Variants in CDKN2B-AS1 observed in about 807,000 individuals in gnomAD.
CDKN2B-AS1 encodes CDKN2B antisense RNA 1 (non-protein coding).
At position 22,016,640 on chromosome 9, in the gene CDKN2B-AS1, A is replaced by G. The variant is rs1016517925; in HGVS notation, n.29+21479A>G. Reference sequence around the variant, plus strand: ...ACAGAACAGAGCCCTCAGAAATAACACCGCATATCTACAACTATCTGATCT... The same window carrying G: ...ACAGAACAGAGCCCTCAGAAATAACGCCGCATATCTACAACTATCTGATCT... On this transcript the variant is annotated intron_variant and non_coding_transcript_variant, in intron 1 of 4. Transcript: ENST00000650946. 1.2e-4 allele frequency among the ~76,000 whole-genome samples: 19 copies of G among 152,186 alleles called. No individual in the cohort carries two copies. In the East Asian group the frequency reaches 1.9e-3, roughly 15 times the overall value.
intron 4 of CDKN2B-AS1, among the ~76,000 whole-genome samples, chr9:22,082,770 T>C (rs1441913841): frequency 6.6e-6 from 1 of 152,218 alleles, no homozygotes; most frequent in Non-Finnish European, 1.5e-5. Flanking sequence ...TACCCGACTC[T>C]AGCTTGCTGG....
At chr9:22,051,296 A>G (rs17694555) in intron 3 of CDKN2B-AS1, among the ~76,000 whole-genome samples, 8,903 of 152,190 alleles carry the variant, frequency 0.058, 324 homozygotes, top group Non-Finnish European at 0.089. Flanking sequence ...CACTTTTCCA[A>G]CTAGTGTGTA....
At chr9:22,090,218 A>G (rs1342359435) in intron 4 of CDKN2B-AS1, among the ~76,000 whole-genome samples, 3 of 150,760 alleles carry the variant, frequency 2.0e-5, no homozygotes, top group Non-Finnish European at 4.4e-5. Flanking sequence ...TTCTTAATCC[A>G]CTCTATCATT....
intron 4 of CDKN2B-AS1, among the ~76,000 whole-genome samples, chr9:22,086,555 T>C (rs1824873920): frequency 6.6e-6 from 1 of 152,172 alleles, no homozygotes; most frequent in Non-Finnish European, 1.5e-5. Flanking sequence ...AATAATATTC[T>C]TTTTTTCCCA....
rs184050557 is a variant in CDKN2B-AS1, at chr9:22,105,984, C to T, written n.439-21119C>T. ...GGAGTGCAATGGCACGATCTTGGCTCACTGCAACCTCTGCCTCCCGGATAC... is the reference window on the plus strand; with the variant it reads ...GGAGTGCAATGGCACGATCTTGGCTTACTGCAACCTCTGCCTCCCGGATAC... On this transcript the variant is annotated intron_variant and non_coding_transcript_variant, in intron 4 of 4. Transcript: ENST00000650946. Among the ~76,000 whole-genome samples the T allele has an allele frequency of 2.6e-3, 395 of 152,340 alleles. 3 individuals are homozygous for T. Among genetic ancestry groups the T allele is most frequent in the African/African-American group, 9.2e-3 (384 of 41,566 alleles).
intron 4 of CDKN2B-AS1, among the ~76,000 whole-genome samples, chr9:22,082,581 A>T (rs1824735410): frequency 1.3e-5 from 2 of 152,200 alleles, no homozygotes; most frequent in South Asian, 4.1e-4. Flanking sequence ...GTTCTGACTA[A>T]TTCGTAGCCA....
chr9:22,125,290 TG>T (rs1397383800), intron 4 of CDKN2B-AS1, among the ~76,000 whole-genome samples: 1 of 152,258 alleles, frequency 6.6e-6, no homozygotes, highest in South Asian at 2.1e-4. Flanking sequence ...CAAAGATATT[TG>T]GAATATTGGT....
intron 3 of CDKN2B-AS1, among the ~76,000 whole-genome samples, chr9:22,051,824 G>T (rs571107452): frequency 6.6e-6 from 1 of 152,228 alleles, no homozygotes; most frequent in Non-Finnish European, 1.5e-5. Flanking sequence ...TTTGTTTTCA[G>T]CCTGCATATA....
chr9:22,056,808 G>A (rs542547093), intron 4 of CDKN2B-AS1, among the ~76,000 whole-genome samples: 3 of 152,068 alleles, frequency 2.0e-5, no homozygotes, highest in African/African-American at 7.2e-5. Context: ...CCTCAACTCC[G>A]GATTGTATAT....
chr9:22,005,112 A>ATGTGTGTG lies in CDKN2B-AS1; in HGVS notation n.29+9974_29+9981dup, dbSNP rs3028393. ...CATAAGGGGATTTCCGCATCCTAGC[A>ATGTGTGTG]TGTGTGTGTGTGTGTGTGTGTGTGT... On this transcript the variant is annotated intron_variant and non_coding_transcript_variant, in intron 1 of 4. Transcript: ENST00000650946. This position sits in a 1 kb window ranked among gnomAD's most constrained non-coding sequence, Gnocchi z 4.9. 0.014 allele frequency: 3,109 copies of ATGTGTGTG among 225,346 alleles called. 42 individuals carry two copies. The highest frequency in any genetic ancestry group is 0.09 in the East Asian group (1,438 of 15,932). The allele number at this position is 225,346 out of a possible 1,614,324, so 14.0% of individuals were successfully genotyped here. A position where few individuals can be genotyped will look rare whatever the true frequency, so the allele number is the denominator to read the frequency against.
chr9:22,066,221 T>A (rs1587483023), intron 4 of CDKN2B-AS1: 1 of 152,068 alleles, frequency 6.6e-6, no homozygotes, highest in African/African-American at 2.4e-5. Flanking sequence ...TATTTTTTTT[T>A]TTTTATTTTT....
At chr9:22,108,954 C>T (rs72654210) in intron 4 of CDKN2B-AS1, among the ~76,000 whole-genome samples, 3 of 151,990 alleles carry the variant, frequency 2.0e-5, no homozygotes, top group Non-Finnish European at 4.4e-5. Context: ...ATAAAAAAAA[C>T]CCCAAAACTG....
chr9:22,042,941 ATCTAT>A (rs1822957705), intron 1 of CDKN2B-AS1, among the ~76,000 whole-genome samples: 1 of 151,862 alleles, frequency 6.6e-6, no homozygotes, highest in African/African-American at 2.4e-5. Context: ...TGTTTGGAAA[ATCTAT>A]TCACAATAGA....
At chr9:22,057,988 GC>G (rs980635534) in intron 4 of CDKN2B-AS1, among the ~76,000 whole-genome samples, 74 of 146,666 alleles carry the variant, frequency 5.0e-4, no homozygotes, top group African/African-American at 1.7e-3. Flanking sequence ...GTGGTGGTGG[GC>G]ACCTGTAATC....
At position 21,999,738 on chromosome 9, in the gene CDKN2B-AS1, G is replaced by A. The variant is rs1820842203; in HGVS notation, n.29+4577G>A. Among the ~76,000 whole-genome samples, 1 of 152,020 alleles carries A rather than the reference G, an allele frequency of 6.6e-6. No individual in the cohort carries two copies. The highest frequency in any genetic ancestry group is 2.4e-5 in the African/African-American group (1 of 41,420). ...TGCTTGTGAGGAGACTTTTTTTGTTGTTGTTGTTGTTAGGGCTCATTCATA... is the reference window on the plus strand; with the variant it reads ...TGCTTGTGAGGAGACTTTTTTTGTTATTGTTGTTGTTAGGGCTCATTCATA... On this transcript the variant is annotated intron_variant and non_coding_transcript_variant, in intron 1 of 4. Transcript: ENST00000650946. This position sits in a 1 kb window ranked among gnomAD's most constrained non-coding sequence, Gnocchi z 4.7.
chr9:22,117,245 T>C (rs1818377843), intron 4 of CDKN2B-AS1, among the ~76,000 whole-genome samples: 1 of 152,226 alleles, frequency 6.6e-6, no homozygotes, highest in African/African-American at 2.4e-5. Flanking sequence ...ATTTTGTTTA[T>C]TTTTAATTTA....
intron 1 of CDKN2B-AS1, among the ~76,000 whole-genome samples, chr9:21,998,339 T>C (rs1587366744): frequency 6.6e-6 from 1 of 152,268 alleles, no homozygotes; most frequent in East Asian, 1.9e-4. Context: ...TTATATTACT[T>C]ATTTTATCCT....
intron 4 of CDKN2B-AS1, among the ~76,000 whole-genome samples, chr9:22,113,464 C>T (rs1478047690): frequency 6.6e-6 from 1 of 152,198 alleles, no homozygotes; most frequent in Admixed American, 6.5e-5. Context: ...TAAAGGTCAA[C>T]TATGCTATAT....
intron 4 of CDKN2B-AS1, among the ~76,000 whole-genome samples, chr9:22,084,480 T>C (rs1225171650): frequency 1.3e-5 from 2 of 152,106 alleles, no homozygotes; most frequent in Non-Finnish European, 1.5e-5. Context: ...GGGAGCAGAG[T>C]ATTGGCCTGA....
Sources: gnomAD v4.1 joint callset for allele counts (sites outside exome capture counted in the v4.1 genomes callset) on GRCh38, gnomAD v4.1.1 for gene constraint, Gnocchi (gnomAD v3.1) non-coding constraint, MANE v1.5 for transcripts, NCBI Gene and HGNC (gene_info 2026-07-23, HGNC 2026-07-21) for gene names.